The following KIAA0232 variants were observed in gnomAD, a reference collection of about 807,000 sequenced individuals.
KIAA0232 encodes KIAA0232, also known as uncharacterized protein KIAA0232.
KIAA0232 carries 27 observed loss-of-function variants against 122.0 expected under a neutral mutation model. The observed-to-expected ratio is 0.22, with a 90% CI of 0.16 to 0.31. KIAA0232 has a LOEUF of 0.31. Among genes scored for constraint, KIAA0232 ranks in the 10% least tolerant of loss-of-function variants. The pLI, the probability that KIAA0232 is intolerant of heterozygous loss-of-function variation, is 1.00. For missense variants in KIAA0232, 1,551 were observed against 1,634.2 expected (o/e 0.95, Z 0.88); for synonymous variants, 613 against 587.6 (o/e 1.04, Z -0.63).
At chr4:6,856,047 G>A (rs1266498250) in intron 4 of KIAA0232, 5 of 157,442 alleles carry the variant, frequency 3.2e-5, no homozygotes, top group African/African-American at 7.2e-5. Flanking sequence ...GTGGTATGAC[G>A]TGGACAGAAT....
intron 1 of KIAA0232, among the ~76,000 whole-genome samples, chr4:6,802,216 C>T (rs913281289): frequency 1.1e-4 from 16 of 152,228 alleles, no homozygotes; most frequent in African/African-American, 3.9e-4. Context: ...TAGAATAGCC[C>T]GTGGGAGCTG....
At chr4:6,808,001 G>T (rs1382490335) in intron 2 of KIAA0232, among the ~76,000 whole-genome samples, 2 of 152,228 alleles carry the variant, frequency 1.3e-5, no homozygotes, top group Non-Finnish European at 2.9e-5. Flanking sequence ...CTGGGAGGCA[G>T]AGGTTTCAGT....
At chr4:6,847,813 T>C (rs1720048069) in intron 4 of KIAA0232, among the ~76,000 whole-genome samples, 1 of 151,938 alleles carries the variant, frequency 6.6e-6, no homozygotes, top group Non-Finnish European at 1.5e-5. Flanking sequence ...GGACCTGGCA[T>C]ATACCTGGTA....
chr4:6,853,677 A>G (rs140643382), intron 4 of KIAA0232, among the ~76,000 whole-genome samples: 149 of 152,354 alleles, frequency 9.8e-4, no homozygotes, highest in African/African-American at 3.2e-3. Flanking sequence ...GATGATTAAT[A>G]TGGCACAGAA....
chr4:6,812,072 A>G (rs1172976519), intron 2 of KIAA0232, among the ~76,000 whole-genome samples: 1 of 152,122 alleles, frequency 6.6e-6, no homozygotes, highest in African/African-American at 2.4e-5. Context: ...TTCTGGGCAC[A>G]TTGTGTTATT....
chr4:6,860,868 C>T (rs1240584833), intron 6 of KIAA0232, 33 bp from the exon 7 acceptor site: 2 of 1,577,214 alleles, frequency 1.3e-6, no homozygotes, highest in Non-Finnish European at 1.7e-6. Flanking sequence ...AATCTGCATA[C>T]TCGTGTTTTG....
At chr4:6,788,613 A>T (rs544299412) in intron 1 of KIAA0232, among the ~76,000 whole-genome samples, 6 of 152,356 alleles carry the variant, frequency 3.9e-5, no homozygotes, top group African/African-American at 1.4e-4. Flanking sequence ...TGTAGAGGAA[A>T]ATCTTAATCA....
At chr4:6,840,364 T>C (rs1294549553) in intron 3 of KIAA0232, among the ~76,000 whole-genome samples, 1 of 152,176 alleles carries the variant, frequency 6.6e-6, no homozygotes, top group Non-Finnish European at 1.5e-5. Flanking sequence ...ATGGGGGTAG[T>C]GTTAATCCCA....
At chr4:6,817,660 G>A (rs1480776346) in intron 2 of KIAA0232, among the ~76,000 whole-genome samples, 1 of 152,108 alleles carries the variant, frequency 6.6e-6, no homozygotes, top group Non-Finnish European at 1.5e-5. Context: ...CCTTTTCTGT[G>A]GCCAAAGATA....
At position 6,810,495 on chromosome 4, in the gene KIAA0232, A is replaced by C. The variant is rs565384974; in HGVS notation, c.-270+5889A>C. 2.0e-5 allele frequency among the ~76,000 whole-genome samples: 3 copies of C among 152,326 alleles called. No individual in the cohort carries two copies. In the East Asian group the frequency reaches 5.8e-4, roughly 29 times the overall value. ...AAAATACTAGAATAAAACCTAGGGA[A>C]AACTCTTCTGGACATTGATATAGGC... On this transcript the variant is annotated intron_variant, in intron 2 of 9. Coordinates refer to ENST00000307659, the MANE Select transcript of KIAA0232 (RefSeq NM_014743.3).
intron 2 of KIAA0232, among the ~76,000 whole-genome samples, chr4:6,809,343 C>T (rs1717774000): frequency 6.6e-6 from 1 of 152,234 alleles, no homozygotes; most frequent in African/African-American, 2.4e-5. Flanking sequence ...CTTGCTTTGA[C>T]TCATAAAATG....
At chr4:6,797,384 G>T (rs1001115042) in intron 1 of KIAA0232, among the ~76,000 whole-genome samples, 5 of 152,150 alleles carry the variant, frequency 3.3e-5, no homozygotes. Flanking sequence ...AGGCCTGTTG[G>T]GACAGTGAAC....
intron 3 of KIAA0232, among the ~76,000 whole-genome samples, chr4:6,827,342 T>C (rs1363318228): frequency 1.3e-5 from 2 of 152,228 alleles, no homozygotes; most frequent in Non-Finnish European, 2.9e-5. Context: ...ACAAGGATGG[T>C]TCTCTTCTAG....
intron 4 of KIAA0232, among the ~76,000 whole-genome samples, chr4:6,852,752 A>G (rs974892338): frequency 2.0e-5 from 3 of 152,194 alleles, no homozygotes; most frequent in African/African-American, 7.2e-5. Flanking sequence ...GGGGTCTGTG[A>G]TGGCAGGTGG....
At chr4:6,791,315 CTTTTT>C (rs10716163) in intron 1 of KIAA0232, among the ~76,000 whole-genome samples, 1 of 82,672 alleles carries the variant, frequency 1.2e-5, no homozygotes. Context: ...GTCATAAAGC[CTTTTT>C]TTTTTTTTTT....
chr4:6,853,079 T>G (rs1202628214), intron 4 of KIAA0232, among the ~76,000 whole-genome samples: 1 of 152,196 alleles, frequency 6.6e-6, no homozygotes, highest in East Asian at 1.9e-4. Flanking sequence ...AGGCAAAGCA[T>G]GAGACACCAT....
At chr4:6,835,514 A>G (rs532571601) in intron 3 of KIAA0232, among the ~76,000 whole-genome samples, 5 of 152,314 alleles carry the variant, frequency 3.3e-5, no homozygotes, top group African/African-American at 9.6e-5. Flanking sequence ...CATATGCACA[A>G]TGTGCAGGTT....
At chr4:6,879,397 A>G (rs894850619) in intron 9 of KIAA0232, among the ~76,000 whole-genome samples, 10 of 152,116 alleles carry the variant, frequency 6.6e-5, no homozygotes, top group African/African-American at 2.4e-4. Flanking sequence ...TAGGACCCAT[A>G]CTGCTAACCA....
chr4:6,817,417 G>A (rs1269300470), intron 2 of KIAA0232, among the ~76,000 whole-genome samples: 2 of 152,020 alleles, frequency 1.3e-5, no homozygotes, highest in Non-Finnish European at 2.9e-5. Flanking sequence ...GGGTTTCACC[G>A]TGTTAGCCAG....
Sources: gnomAD v4.1 joint callset for allele counts (sites outside exome capture counted in the v4.1 genomes callset) on GRCh38, gnomAD v4.1.1 for gene constraint, MANE v1.5 for transcripts, NCBI Gene and HGNC (gene_info 2026-07-23, HGNC 2026-07-21) for gene names.